Variants in BABAM2 observed in about 807,000 individuals in gnomAD.
The protein encoded by BABAM2 is BRISC and BRCA1 A complex member 2, also known as BRISC and BRCA1-A complex member 2.
A neutral mutation model predicts 54.7 loss-of-function variants in BABAM2; 31 were observed. That is an observed-to-expected ratio of 0.57 (90% confidence interval 0.43 to 0.77). The LOEUF (loss-of-function observed/expected upper bound fraction) is 0.77, where lower values mean the gene tolerates loss of function less well. BABAM2 is among the 30% of genes least tolerant of loss of function. BABAM2 has a pLI of 0.00. For synonymous variants in BABAM2, 167 were observed against 162.9 expected (o/e 1.03, Z -0.19); for missense variants, 364 against 455.8 (o/e 0.80, Z 1.83).
chr2:28,315,602 G>A (rs1413160222), intron 11 of BABAM2, among the ~76,000 whole-genome samples: 1 of 150,888 alleles, frequency 6.6e-6, no homozygotes, highest in East Asian at 1.9e-4. Context: ...CAAGTAACCA[G>A]GATTACAGGT....
chr2:28,256,542 T>A (rs535452620), intron 10 of BABAM2, among the ~76,000 whole-genome samples: 1 of 152,168 alleles, frequency 6.6e-6, no homozygotes, highest in Non-Finnish European at 1.5e-5. Context: ...GGACCTCAGA[T>A]TGAGAATCTC....
At chr2:28,016,086 T>C (rs1027278484) in intron 4 of BABAM2, 8 of 837,972 alleles carry the variant, frequency 9.5e-6, no homozygotes, top group Non-Finnish European at 1.4e-5. Context: ...AACGGTTCTT[T>C]TTCTTTCTCA....
chr2:28,198,340 AT>A (rs746949038), intron 7 of BABAM2, among the ~76,000 whole-genome samples: 5 of 151,838 alleles, frequency 3.3e-5, no homozygotes, highest in Non-Finnish European at 5.9e-5. Flanking sequence ...AATTTTTTGT[AT>A]TTTTTTAGTA....
At position 28,031,769 on chromosome 2, in the gene BABAM2, T is replaced by G. The variant is rs573548163; in HGVS notation, c.495+6349T>G. The stretch of plus-strand genomic sequence containing the variant: ...CCAAGGAAAGCCTTTACTGGCCAAC[T>G]GAGCTAGACCCTGAAGGAAGGTGGA... On this transcript the variant is annotated intron_variant, in intron 5 of 11. Transcript: ENST00000379624. 4.6e-5 allele frequency among the ~76,000 whole-genome samples: 7 copies of G among 152,258 alleles called. No homozygotes were observed. The South Asian group carries it at 8.3e-4, about 18-fold the overall frequency.
At chr2:28,075,556 G>A (rs1664580183) in intron 6 of BABAM2, among the ~76,000 whole-genome samples, 1 of 150,200 alleles carries the variant, frequency 6.7e-6, no homozygotes, top group East Asian at 1.9e-4. Flanking sequence ...CTTTCTCTGT[G>A]CATGTGTGTG....
At chr2:28,306,363 C>T (rs1688519183) in intron 11 of BABAM2, among the ~76,000 whole-genome samples, 1 of 151,790 alleles carries the variant, frequency 6.6e-6, no homozygotes, top group African/African-American at 2.4e-5. Context: ...TCTGTTTCTC[C>T]CCTTCTGCTA....
At chr2:28,095,630 C>G (rs549922115) in intron 6 of BABAM2, among the ~76,000 whole-genome samples, 1 of 152,178 alleles carries the variant, frequency 6.6e-6, no homozygotes, top group South Asian at 2.1e-4. Context: ...GGAGAGATAT[C>G]TATTTAGAGC....
intron 3 of BABAM2, among the ~76,000 whole-genome samples, chr2:27,940,846 C>T (rs746595188): frequency 1.3e-5 from 2 of 152,296 alleles, no homozygotes; most frequent in African/African-American, 2.4e-5. Context: ...TAGACATAGT[C>T]GCCAGTCAGC....
chr2:28,297,538 TAAAG>T (rs1286726458), intron 10 of BABAM2, among the ~76,000 whole-genome samples: 1 of 152,176 alleles, frequency 6.6e-6, no homozygotes, highest in Non-Finnish European at 1.5e-5. Context: ...AAAATTGAGT[TAAAG>T]AACCCCAAAA....
At chr2:27,926,350 C>T (rs909137031) in intron 2 of BABAM2, among the ~76,000 whole-genome samples, 2 of 152,106 alleles carry the variant, frequency 1.3e-5, no homozygotes, top group Non-Finnish European at 2.9e-5. Flanking sequence ...GTGCTCCAGC[C>T]GCATTGCCCA....
chr2:27,982,628 A>G (rs1251921078), intron 3 of BABAM2, among the ~76,000 whole-genome samples: 1 of 150,124 alleles, frequency 6.7e-6, no homozygotes, highest in Non-Finnish European at 1.5e-5. Context: ...GGGATAAAAT[A>G]TACTTAACAA....
intron 3 of BABAM2, among the ~76,000 whole-genome samples, chr2:27,949,619 C>T (rs952095734): frequency 6.6e-6 from 1 of 151,778 alleles, no homozygotes; most frequent in Non-Finnish European, 1.5e-5. Flanking sequence ...CAGATAATTG[C>T]TGATAATCAT....
chr2:28,109,796 T>C (rs1667845813), intron 6 of BABAM2, among the ~76,000 whole-genome samples: 1 of 152,212 alleles, frequency 6.6e-6, no homozygotes, highest in African/African-American at 2.4e-5. Flanking sequence ...CTACTATGAT[T>C]CTTCCTCCCT....
chr2:28,310,315 C>T (rs192481610), intron 11 of BABAM2: 27 of 689,926 alleles, frequency 3.9e-5, no homozygotes, highest in Admixed American at 8.5e-5. Flanking sequence ...GCACCAGGCA[C>T]GGAGTGTTTA....
At chr2:28,318,935 C>T (rs186107386) in intron 11 of BABAM2, among the ~76,000 whole-genome samples, 424 of 152,316 alleles carry the variant, frequency 2.8e-3, no homozygotes, top group Admixed American at 5.2e-3. Context: ...GCCCAAACTC[C>T]ACCTCACCCC....
At chr2:28,031,967 A>T (rs141213543) in intron 5 of BABAM2, among the ~76,000 whole-genome samples, 1,621 of 152,324 alleles carry the variant, frequency 0.011, 29 homozygotes, top group African/African-American at 0.037. Flanking sequence ...ACATTTTTGT[A>T]TGAAATAAAT....
At chr2:28,091,152 TTAA>T (rs1357457063) in intron 6 of BABAM2, among the ~76,000 whole-genome samples, 1 of 152,230 alleles carries the variant, frequency 6.6e-6, no homozygotes, top group African/African-American at 2.4e-5. Flanking sequence ...CATGTTAGCT[TTAA>T]TATCCATTAA....
chr2:28,233,379 C>A, intron 7 of BABAM2: 1 of 410,664 alleles, frequency 2.4e-6, no homozygotes, highest in Non-Finnish European at 5.0e-6. Flanking sequence ...TGTACATGCT[C>A]AGCCCAATAT....
chr2:28,240,635 T>C (rs1203200794), intron 8 of BABAM2, among the ~76,000 whole-genome samples: 1 of 152,108 alleles, frequency 6.6e-6, no homozygotes, highest in Non-Finnish European at 1.5e-5. Context: ...TTTGGGAGGC[T>C]GAGGCAGGCT....
Sources: gnomAD v4.1 joint callset for allele counts (sites outside exome capture counted in the v4.1 genomes callset) on GRCh38, gnomAD v4.1.1 for gene constraint, MANE v1.5 for transcripts, NCBI Gene and HGNC (gene_info 2026-07-23, HGNC 2026-07-21) for gene names.